LYAR: variants seen among roughly 807,000 people sequenced by gnomAD.
LYAR encodes Ly1 antibody reactive, also known as cell growth-regulating nucleolar protein.
In LYAR, 37 loss-of-function variants were observed where a neutral mutation model predicts 45.2. The observed-to-expected ratio is 0.82, with a 90% CI of 0.63 to 1.08. The LOEUF is 1.08. LYAR is among the 50% of genes least tolerant of loss of function. The probability of loss-of-function intolerance (pLI) is 0.00; values close to 1 mark genes in which losing one functional copy is unlikely to be tolerated. For missense variants in LYAR, 493 were observed against 451.0 expected, an observed-to-expected ratio of 1.09 and a Z score of -0.84; for synonymous variants, 176 against 155.1, an observed-to-expected ratio of 1.14 and a Z score of -1.00.
At position 4,283,723 on chromosome 4, in the gene LYAR, T is replaced by C. The variant is rs1560097360; in HGVS notation, c.20A>G (p.Asn7Ser). The C allele has an allele frequency of 1.9e-6, 3 of 1,610,582 alleles. No individual in the cohort carries two copies. The highest frequency in any genetic ancestry group is 2.5e-6 in the Non-Finnish European group (3 of 1,178,420). The change falls in exon 3 of 10, where the codon AAT (asparagine) becomes AGT (serine). Residue 7 changes from asparagine to serine, a missense_variant. Physicochemically the swap from Asn to Ser is conservative, Grantham distance 46. Transcript: ENST00000343470. ...TTTCTTCACTGATTCACCACATGCA[T>C]TGCATGTAAAAAATACCATTTTTAG... MVFFTC[N>S]ACGESVKKIQ...
chr4:4,278,619 G>A (rs1382982447), intron 6 of LYAR, among the ~76,000 whole-genome samples: 1 of 152,084 alleles, frequency 6.6e-6, no homozygotes, highest in Admixed American at 6.6e-5. Flanking sequence ...TCCTCACCCT[G>A]TTTTATTTTC....
chr4:4,278,974 C>T (rs1481023898), intron 6 of LYAR, among the ~76,000 whole-genome samples: 2 of 152,208 alleles, frequency 1.3e-5, no homozygotes, highest in Non-Finnish European at 2.9e-5. Context: ...AAGGAAGTCT[C>T]TGCAGTGCAT....
At chr4:4,287,783 G>C (rs1270770138) in intron 1 of LYAR, among the ~76,000 whole-genome samples, 3 of 151,898 alleles carry the variant, frequency 2.0e-5, no homozygotes, top group South Asian at 2.1e-4. Context: ...CTCATCCAAA[G>C]AGAAAAAAAA....
intron 6 of LYAR, among the ~76,000 whole-genome samples, chr4:4,276,631 G>T (rs1255233569): frequency 6.6e-6 from 1 of 151,872 alleles, no homozygotes; most frequent in African/African-American, 2.4e-5. Context: ...CCGAGGTAGG[G>T]AGATCACCTG....
intron 3 of LYAR, among the ~76,000 whole-genome samples, chr4:4,282,748 C>A (rs1443700940): frequency 6.6e-6 from 1 of 152,164 alleles, no homozygotes; most frequent in Non-Finnish European, 1.5e-5. Context: ...CTGTCCCTCC[C>A]CGCTAACTCC....
chr4:4,274,337 T>G (rs572213715), intron 7 of LYAR, 30 bp downstream of exon 7: 2 of 1,584,066 alleles, frequency 1.3e-6, no homozygotes, highest in Admixed American at 3.7e-5. Context: ...GGTTTTCAGA[T>G]GAATCCCAGA....
chr4:4,289,512 C>G (rs1232052490), intron 1 of LYAR: 1 of 152,246 alleles, frequency 6.6e-6, no homozygotes, highest in Non-Finnish European at 1.5e-5. Flanking sequence ...CACATTTCTA[C>G]TCATGTAATC....
In LYAR at chr4:4,283,768, C is replaced by A; in HGVS notation, c.-26G>T. 6.3e-7 allele frequency: 1 copy of A among 1,586,574 alleles called. No individual in the cohort carries two copies. Among genetic ancestry groups the A allele is most frequent in the South Asian group, 1.1e-5 (1 of 89,128 alleles). On this transcript the variant is annotated 5_prime_UTR_variant, in exon 3 of 10. Coordinates refer to ENST00000343470, the MANE Select transcript of LYAR (RefSeq NM_017816.3). ...TTTTAGGTAAATGGCTAAATATTCT[C>A]TATCCAAGACAGGTTTTAAGTCTTG...
At chr4:4,286,301 CACTT>C (rs563280018) in intron 2 of LYAR, among the ~76,000 whole-genome samples, 3 of 152,312 alleles carry the variant, frequency 2.0e-5, no homozygotes, top group Admixed American at 6.5e-5. Context: ...ATGCCATAAA[CACTT>C]GCTTGGGCTT....
intron 3 of LYAR, among the ~76,000 whole-genome samples, chr4:4,283,386 T>C (rs372300661): frequency 6.6e-6 from 1 of 152,204 alleles, no homozygotes; most frequent in East Asian, 1.9e-4. Flanking sequence ...CCTGACCTCA[T>C]GAGCCACCCA....
Position 4,281,895 on chromosome 4 carries a change from C to T in LYAR, c.125G>A (p.Gly42Asp), listed in dbSNP as rs776433801. The change falls in exon 4 of 10, where the codon GGC (glycine) becomes GAC (aspartate). Residue 42 changes from glycine to aspartate, a missense_variant and splice_region_variant. By Grantham distance (94) the Gly-to-Asp change is moderately conservative (BLOSUM62 -1). Transcript: ENST00000343470. Reference protein sequence around the residue: ...SCIDCGKDFWGDDYKNHVKCI... With the variant: ...SCIDCGKDFWDDDYKNHVKCI... ...TTTCACGTGGTTTTTATAGTCATCGCCCCTTTAAAGTGATCAAAAGTTCTG... is the reference window on the plus strand; with the variant it reads ...TTTCACGTGGTTTTTATAGTCATCGTCCCTTTAAAGTGATCAAAAGTTCTG... 6.2e-7 allele frequency: 1 copy of T among 1,610,836 alleles called. No individual in the cohort carries two copies. The highest frequency in any genetic ancestry group is 1.3e-5 in the African/African-American group (1 of 74,986).
chr4:4,275,407 C>G (rs1719138192), intron 6 of LYAR, among the ~76,000 whole-genome samples: 1 of 150,970 alleles, frequency 6.6e-6, no homozygotes, highest in South Asian at 2.1e-4. Flanking sequence ...TGGAAAGTTA[C>G]CATTAGAAGA....
intron 4 of LYAR, 118 bp downstream of exon 4, chr4:4,281,665 G>A: frequency 1.3e-6 from 1 of 759,824 alleles, no homozygotes; most frequent in East Asian, 2.5e-5. Flanking sequence ...TCTATCCTAG[G>A]ACATGAGGTT....
At chr4:4,273,709 A>G (rs1289182423) in intron 7 of LYAR, 40 bp from the exon 8 acceptor site, 4 of 1,252,118 alleles carry the variant, frequency 3.2e-6, no homozygotes, top group Non-Finnish European at 3.5e-6. Context: ...AAGATTTTGC[A>G]TTTACGCTAG....
intron 1 of LYAR, 119 bp from the exon 2 acceptor site, chr4:4,286,691 G>C (rs979305922): frequency 7.4e-6 from 1 of 135,306 alleles, no homozygotes; most frequent in African/African-American, 2.9e-5. Flanking sequence ...TTGTCGCCCA[G>C]GCTGGAGTGC....
intron 9 of LYAR, 78 bp downstream of exon 9, chr4:4,268,452 G>GA (rs1344466009): frequency 4.9e-6 from 5 of 1,018,824 alleles, no homozygotes; most frequent in Admixed American, 2.2e-5. Context: ...GGTGAAAAAA[G>GA]AAAAAAACAA....
At chr4:4,287,472 T>G (rs997472905) in intron 1 of LYAR, among the ~76,000 whole-genome samples, 1 of 152,190 alleles carries the variant, frequency 6.6e-6, no homozygotes, top group African/African-American at 2.4e-5. Flanking sequence ...GCCATACCCA[T>G]GAAAAAGATG....
intron 8 of LYAR, among the ~76,000 whole-genome samples, chr4:4,271,951 A>G (rs533678556): frequency 4.9e-4 from 74 of 152,336 alleles, no homozygotes; most frequent in Middle Eastern, 6.8e-3. Flanking sequence ...GTGAATCTCC[A>G]GAGAAAAACG....
At position 4,273,631 on chromosome 4, in the gene LYAR, C is replaced by G; in HGVS notation, c.871G>C (p.Glu291Gln). 6.2e-7 allele frequency: 1 copy of G among 1,613,412 alleles called. No individual in the cohort carries two copies. The highest frequency in any genetic ancestry group is 2.2e-5 in the East Asian group (1 of 44,876). Reference protein sequence around the residue: ...DSKKKKMKLPEHPEGGEPEDD... With the variant: ...DSKKKKMKLPQHPEGGEPEDD... ...TCTGGTTCTCCGCCCTCAGGATGCT[C>G]TGGGAGCTTCATCTTTTTCTTCTTA... The change falls in exon 8 of 10, where the codon GAG becomes CAG. Residue 291 changes from glutamate (E) to glutamine (Q), a missense_variant. By Grantham distance (29) the Glu-to-Gln change is conservative. Transcript: ENST00000343470.
Sources: allele counts gnomAD v4.1 joint callset (sites outside exome capture counted in the v4.1 genomes callset), GRCh38; gene constraint gnomAD v4.1.1; transcripts MANE v1.5; gene names NCBI Gene and HGNC (gene_info 2026-07-23, HGNC 2026-07-21).